PPP2R2B: variants seen among roughly 807,000 people sequenced by gnomAD.
The protein encoded by PPP2R2B is serine/threonine-protein phosphatase 2A 55 kDa regulatory subunit B beta isoform.
A neutral mutation model predicts 46.0 loss-of-function variants in PPP2R2B; 5 were observed. The ratio of observed to expected loss-of-function variants is 0.11; its 90% CI spans 0.06 to 0.23. The LOEUF is 0.23. PPP2R2B is among the 10% of genes least tolerant of loss of function. The pLI is 1.00. For missense variants in PPP2R2B, 367 were observed against 575.0 expected (o/e 0.64, Z 3.70); for synonymous variants, 215 against 206.7 (o/e 1.04, Z -0.34).
chr5:146,889,761 GA>G (rs1377069410), intron 1 of PPP2R2B, among the ~76,000 whole-genome samples: 1 of 152,162 alleles, frequency 6.6e-6, no homozygotes, highest in African/African-American at 2.4e-5. Context: ...AATAATTTTA[GA>G]AACCCTCTGA....
At chr5:146,984,403 C>T (rs1753326309) in intron 1 of PPP2R2B, among the ~76,000 whole-genome samples, 1 of 152,312 alleles carries the variant, frequency 6.6e-6, no homozygotes, top group South Asian at 2.1e-4. Flanking sequence ...TATGTTGTCA[C>T]AAATGATACT....
At chr5:146,940,524 AC>A (rs1388994689) in intron 1 of PPP2R2B, among the ~76,000 whole-genome samples, 2 of 151,842 alleles carry the variant, frequency 1.3e-5, no homozygotes, top group Non-Finnish European at 2.9e-5. Context: ...AAAAAAAAAA[AC>A]ATAAGGCTAC....
intron 2 of PPP2R2B, among the ~76,000 whole-genome samples, chr5:146,863,450 C>T (rs960520337): frequency 2.0e-5 from 3 of 151,964 alleles, no homozygotes; most frequent in Admixed American, 6.6e-5. Context: ...CTAATTAATC[C>T]CACCTACCCT....
At chr5:146,954,499 A>G (rs1430879782) in intron 1 of PPP2R2B, among the ~76,000 whole-genome samples, 1 of 152,068 alleles carries the variant, frequency 6.6e-6, no homozygotes, top group African/African-American at 2.4e-5. Context: ...GGACTTTGGG[A>G]ACTCAGTGGG....
intron 1 of PPP2R2B, among the ~76,000 whole-genome samples, chr5:146,908,187 C>T (rs1263364413): frequency 1.3e-5 from 2 of 152,170 alleles, no homozygotes; most frequent in Admixed American, 6.5e-5. Context: ...TTGAGGGAAA[C>T]ACTTCTGTGA....
intron 2 of PPP2R2B, among the ~76,000 whole-genome samples, chr5:146,792,529 T>G (rs57092441): frequency 6.6e-6 from 1 of 152,088 alleles, no homozygotes; most frequent in African/African-American, 2.4e-5. Flanking sequence ...AATAAATAAG[T>G]AAGGTATGTA....
chr5:146,726,040 A>G (rs1027141808), intron 2 of PPP2R2B, among the ~76,000 whole-genome samples: 1 of 152,184 alleles, frequency 6.6e-6, no homozygotes, highest in African/African-American at 2.4e-5. Flanking sequence ...AAATCTTAGC[A>G]GCAGCTATTG....
chr5:146,705,364 C>A (rs1356773824), intron 2 of PPP2R2B, among the ~76,000 whole-genome samples: 1 of 152,012 alleles, frequency 6.6e-6, no homozygotes, highest in Non-Finnish European at 1.5e-5. Context: ...GTGAAATGAT[C>A]ATAGTTACCA....
intron 4 of PPP2R2B, among the ~76,000 whole-genome samples, chr5:146,694,695 T>G (rs1013880241): frequency 6.6e-6 from 1 of 152,134 alleles, no homozygotes; most frequent in Non-Finnish European, 1.5e-5. Flanking sequence ...ATTTCCTTCT[T>G]TTTATTATAC....
intron 2 of PPP2R2B, among the ~76,000 whole-genome samples, chr5:146,778,394 A>G (rs944783446): frequency 7.2e-5 from 11 of 152,234 alleles, no homozygotes; most frequent in Admixed American, 1.3e-4. Context: ...GGGATATGAC[A>G]TAAGTAGCAA....
intron 1 of PPP2R2B, among the ~76,000 whole-genome samples, chr5:146,887,936 A>C (rs1048451859): frequency 2.6e-5 from 4 of 152,190 alleles, no homozygotes; most frequent in African/African-American, 9.7e-5. Flanking sequence ...GGACTTATTG[A>C]ATTAGGTATT....
At chr5:146,987,702 G>A (rs1753494896) in intron 1 of PPP2R2B, among the ~76,000 whole-genome samples, 1 of 151,874 alleles carries the variant, frequency 6.6e-6, no homozygotes, top group African/African-American at 2.4e-5. Flanking sequence ...GACAGTAAGA[G>A]AGGAATAAAG....
chr5:146,642,270 C>G (rs1429223970), intron 6 of PPP2R2B, among the ~76,000 whole-genome samples: 1 of 152,104 alleles, frequency 6.6e-6, no homozygotes, highest in Non-Finnish European at 1.5e-5. Flanking sequence ...GGAGGTCACT[C>G]CTTAAGGGAT....
intron 2 of PPP2R2B, among the ~76,000 whole-genome samples, chr5:146,765,026 G>A (rs963539491): frequency 6.6e-6 from 1 of 152,142 alleles, no homozygotes; most frequent in Non-Finnish European, 1.5e-5. Flanking sequence ...ACACATAGAG[G>A]TTTCAGAAGA....
chr5:146,729,261 C>T (rs1752081613), intron 2 of PPP2R2B, among the ~76,000 whole-genome samples: 1 of 152,112 alleles, frequency 6.6e-6, no homozygotes, highest in Non-Finnish European at 1.5e-5. Flanking sequence ...AAACTTTGAA[C>T]TTGAGAGAGA....
chr5:146,981,091 C>T (rs1218137023), intron 1 of PPP2R2B, among the ~76,000 whole-genome samples: 3 of 152,004 alleles, frequency 2.0e-5, no homozygotes, highest in Non-Finnish European at 1.5e-5. Flanking sequence ...TTGTATGTCT[C>T]CCACTAGAAT....
intron 2 of PPP2R2B, among the ~76,000 whole-genome samples, chr5:146,776,065 C>G (rs986716392): frequency 1.3e-5 from 2 of 152,054 alleles, no homozygotes; most frequent in Non-Finnish European, 2.9e-5. Flanking sequence ...TGTGGTATAT[C>G]TGTTCAAAGT....
intron 2 of PPP2R2B, among the ~76,000 whole-genome samples, chr5:146,834,321 TGACTA>T (rs1561944247): frequency 6.6e-6 from 1 of 152,204 alleles, no homozygotes; most frequent in African/African-American, 2.4e-5. Context: ...ATGGGTGACT[TGACTA>T]AAGTTACAAC....
chr5:146,923,462 T>G (rs1410475358), intron 1 of PPP2R2B, among the ~76,000 whole-genome samples: 1 of 152,218 alleles, frequency 6.6e-6, no homozygotes, highest in African/African-American at 2.4e-5. Context: ...AGCCTAATTA[T>G]GAAAACACGA....
Sources: gnomAD v4.1 joint callset for allele counts (sites outside exome capture counted in the v4.1 genomes callset) on GRCh38, gnomAD v4.1.1 for gene constraint, MANE v1.5 for transcripts, NCBI Gene and HGNC (gene_info 2026-07-23, HGNC 2026-07-21) for gene names.